KDM6A: variants seen among roughly 807,000 people sequenced by gnomAD.
KDM6A encodes lysine-specific demethylase 6A.
KDM6A carries 11 observed loss-of-function variants against 117.6 expected under a neutral mutation model. The observed-to-expected ratio is 0.09, with a 90% CI of 0.06 to 0.15. The LOEUF (loss-of-function observed/expected upper bound fraction) is 0.15. Among genes scored for constraint, KDM6A ranks in the 10% least tolerant of loss-of-function variants. KDM6A has a pLI of 1.00. For missense variants in KDM6A, 799 were observed against 1,077.3 expected, an observed-to-expected ratio of 0.74 and a Z score of 3.62; for synonymous variants, 384 against 396.1, an observed-to-expected ratio of 0.97 and a Z score of 0.36.
At chrX:44,929,164 T>C (rs2036479629) in intron 2 of KDM6A, among the ~76,000 whole-genome samples, 1 of 110,668 alleles carries the variant, frequency 9.0e-6, no homozygotes, top group South Asian at 3.8e-4. Flanking sequence ...TCTCTTGACC[T>C]TGTGATCCAC....
intron 2 of KDM6A, among the ~76,000 whole-genome samples, chrX:44,935,774 T>C (rs745443392): frequency 1.8e-5 from 2 of 111,952 alleles, no homozygotes; most frequent in Admixed American, 9.5e-5. Context: ...TAGGGAACTC[T>C]AGGCTAAATA....
chrX:45,012,668 G>A (rs1050879688), intron 5 of KDM6A, among the ~76,000 whole-genome samples: 2 of 111,516 alleles, frequency 1.8e-5, no homozygotes, highest in Admixed American at 9.5e-5. Context: ...TTATTACAGA[G>A]CATTTACATA....
intron 25 of KDM6A, 177 bp downstream of exon 25, chrX:45,086,156 C>CT (rs1466281784): frequency 4.9e-6 from 2 of 411,577 alleles, no homozygotes; most frequent in Admixed American, 3.9e-5. Context: ...ATTGGAAATA[C>CT]TTTAAGAAAG....
intron 4 of KDM6A, among the ~76,000 whole-genome samples, chrX:44,994,569 T>C (rs904716193): frequency 8.9e-6 from 1 of 112,274 alleles, no homozygotes; most frequent in East Asian, 2.8e-4. Flanking sequence ...GAAATGAATA[T>C]GGGAGTATAG....
chrX:44,918,472 G>A (rs2035697444), intron 2 of KDM6A, among the ~76,000 whole-genome samples: 1 of 111,366 alleles, frequency 9.0e-6, no homozygotes, highest in South Asian at 3.7e-4. Context: ...GTAAATATGG[G>A]TGTTAGCATT....
At chrX:44,895,865 G>C (rs1304940662) in intron 2 of KDM6A, among the ~76,000 whole-genome samples, 2 of 105,017 alleles carry the variant, frequency 1.9e-5, no homozygotes, top group Non-Finnish European at 3.9e-5. Flanking sequence ...CTTCTTATGG[G>C]TTATCTTAAT....
chrX:45,106,528 T>C, intron 27 of KDM6A: 1 of 341,015 alleles, frequency 2.9e-6, no homozygotes, highest in Non-Finnish European at 5.9e-6. Context: ...CTAAACCCAT[T>C]TCCTTTTCTT....
chrX:44,888,305 A>G (rs553226254), intron 2 of KDM6A, among the ~76,000 whole-genome samples: 2 of 112,455 alleles, frequency 1.8e-5, no homozygotes, highest in East Asian at 5.6e-4. Flanking sequence ...ACTCCCTCTC[A>G]AAAAAGAAAA....
At chrX:44,985,870 CTT>C (rs753927658) in intron 4 of KDM6A, among the ~76,000 whole-genome samples, 3,957 of 111,493 alleles carry the variant, frequency 0.035, 187 homozygotes, top group African/African-American at 0.12. Context: ...CTAAAAGTCT[CTT>C]TTTTGGTTGT....
chrX:44,876,714 A>G (rs951251936), intron 2 of KDM6A, among the ~76,000 whole-genome samples: 2 of 103,433 alleles, frequency 1.9e-5, no homozygotes, highest in Admixed American at 2.3e-4. Context: ...GTTTTCAAAA[A>G]TTCTTATTCC....
At chrX:45,010,334 G>GA (rs200109800) in intron 4 of KDM6A, among the ~76,000 whole-genome samples, 2,839 of 107,931 alleles carry the variant, frequency 0.026, 94 homozygotes, top group African/African-American at 0.091. Flanking sequence ...AAAAAAAAAA[G>GA]AAAAAAAATC....
Position 45,111,783 on chromosome X carries a change from A to G in KDM6A, c.*372A>G, listed in dbSNP as rs1389723646. 1 of 192,260 alleles carries G rather than the reference A, an allele frequency of 5.2e-6. No individual in the cohort carries two copies. Among genetic ancestry groups the G allele is most frequent in the African/African-American group, 2.9e-5 (1 of 34,200 alleles). 15.8% of individuals were successfully genotyped at this position (192,260 alleles called of 1,213,427 possible). A position where few individuals can be genotyped will look rare whatever the true frequency, so the allele number is the denominator to read the frequency against. On this transcript the variant is annotated 3_prime_UTR_variant, in exon 30 of 30. Transcript: ENST00000611820. The stretch of plus-strand genomic sequence containing the variant: ...CTTCAGAATTTTCCTTGGAAAAAAA[A>G]TACTAGCCTAGCTGGTCATTTCTTT...
chrX:45,062,723 A>C lies in KDM6A; in HGVS notation c.1658A>C (p.Gln553Pro). Residue 553 changes from glutamine to proline, a missense_variant, in exon 16 of 30, where the codon CAG (glutamine) becomes CCG (proline). Physicochemically the swap from Gln to Pro is moderately conservative, Grantham distance 76. Transcript: ENST00000611820. ...QKLMLEQLES[Q>P]FVLMQQHQMR... ...CTGATGCTGGAACAGCTGGAAAGTC[A>C]GTTTGTCTTAATGCAACAACACCAA... The C allele has an allele frequency of 2.5e-6, 3 of 1,196,293 alleles. No individual in the cohort carries two copies. The highest frequency in any genetic ancestry group is 3.4e-6 in the Non-Finnish European group (3 of 881,338).
chrX:45,004,243 C>T (rs1381136923), intron 4 of KDM6A, among the ~76,000 whole-genome samples: 2 of 110,945 alleles, frequency 1.8e-5, no homozygotes, highest in Non-Finnish European at 3.8e-5. Flanking sequence ...GACCTTGGTC[C>T]TCCAGATGGA....
chrX:44,955,881 A>T (rs763724847), intron 2 of KDM6A, among the ~76,000 whole-genome samples: 37 of 111,571 alleles, frequency 3.3e-4, no homozygotes, highest in South Asian at 7.4e-4. Flanking sequence ...ATATTTTTTT[A>T]AAAATGCAAA....
intron 5 of KDM6A, among the ~76,000 whole-genome samples, chrX:45,011,355 G>T (rs183943951): frequency 9.0e-6 from 1 of 111,259 alleles, no homozygotes; most frequent in East Asian, 2.8e-4. Flanking sequence ...TGTGATCTCA[G>T]AAGTCAAGAT....
At chrX:44,926,604 G>A (rs751136836) in intron 2 of KDM6A, among the ~76,000 whole-genome samples, 1 of 111,440 alleles carries the variant, frequency 9.0e-6, no homozygotes, top group Non-Finnish European at 1.9e-5. Context: ...AGGATGATAC[G>A]TATAATAGGA....
intron 2 of KDM6A, among the ~76,000 whole-genome samples, chrX:44,911,428 G>A (rs1249919671): frequency 1.8e-5 from 2 of 110,057 alleles, no homozygotes; most frequent in South Asian, 3.9e-4. Flanking sequence ...CATCCCAGAC[G>A]GGGCGGCAGG....
intron 2 of KDM6A, among the ~76,000 whole-genome samples, chrX:44,957,185 T>C (rs961779494): frequency 4.5e-5 from 5 of 111,824 alleles, no homozygotes; most frequent in African/African-American, 1.6e-4. Context: ...CATATTTGTT[T>C]TTATTATATT....
Sources: gnomAD v4.1 joint callset for allele counts (sites outside exome capture counted in the v4.1 genomes callset) on GRCh38, gnomAD v4.1.1 for gene constraint, MANE v1.5 for transcripts, NCBI Gene and HGNC (gene_info 2026-07-23, HGNC 2026-07-21) for gene names.